CCAR1: variants seen among roughly 807,000 people sequenced by gnomAD.
CCAR1 encodes cell division cycle and apoptosis regulator protein 1.
Under a neutral mutation model 163.8 loss-of-function variants are expected in CCAR1, and 78 were observed. The ratio of observed to expected loss-of-function variants is 0.48; its 90% CI spans 0.40 to 0.57. CCAR1 has a LOEUF of 0.57. Ranked by LOEUF, CCAR1 falls within the 20% of genes least tolerant of loss-of-function variation. The pLI is 0.00. For missense variants in CCAR1, 1,019 were observed against 1,365.2 expected (o/e 0.75, Z 4.00); for synonymous variants, 443 against 460.7 (o/e 0.96, Z 0.49).
chr10:68,721,721 G>GT (rs1261116187), intron 1 of CCAR1: 1 of 331,260 alleles, frequency 3.0e-6, no homozygotes, highest in African/African-American at 2.3e-5. Flanking sequence ...GGGGCGGTGG[G>GT]TTCCGCCTTC....
At chr10:68,733,748 A>G (rs993632558) in intron 2 of CCAR1, among the ~76,000 whole-genome samples, 2 of 151,974 alleles carry the variant, frequency 1.3e-5, no homozygotes, top group East Asian at 1.9e-4. Context: ...TTGGCTTACT[A>G]TACCTCCCGG....
At position 68,791,409 on chromosome 10, in the gene CCAR1, TGTGA is replaced by T. The variant is rs2056850793; in HGVS notation, c.*146_*149del. On this transcript the variant is annotated 3_prime_UTR_variant, in exon 25 of 25. Coordinates refer to ENST00000265872, the MANE Select transcript of CCAR1 (RefSeq NM_018237.4). ...CAAATGATGTATAAAGTTTTATGAA[TGTGA>T]GTTTCTGCTTTTGAAAATTGCTTGT... 2.1e-6 allele frequency: 1 copy of T among 485,602 alleles called. No individual in the cohort carries two copies. The highest frequency in any genetic ancestry group is 3.6e-6 in the Non-Finnish European group (1 of 275,758). The allele number at this position is 485,602 out of a possible 1,614,324, so 30.1% of individuals were successfully genotyped here.
chr10:68,740,751 A>G lies in CCAR1; in HGVS notation c.324+90A>G. On this transcript the variant is annotated intron_variant, in intron 5 of 24. Transcript: ENST00000265872. The stretch of plus-strand genomic sequence containing the variant: ...TATTCTACTTTTTCTTTCAGGGTTT[A>G]GTTACTTGTTAGATTCACCTAATAA... 3 of 1,012,612 alleles carry G rather than the reference A, an allele frequency of 3.0e-6. No homozygotes were observed. The South Asian group carries it at 4.6e-5, about 16-fold the overall frequency. The allele number at this position is 1,012,612 out of a possible 1,614,324, so 62.7% of individuals were successfully genotyped here.
intron 19 of CCAR1, among the ~76,000 whole-genome samples, chr10:68,784,359 G>A (rs1354360994): frequency 2.0e-5 from 3 of 151,894 alleles, no homozygotes; most frequent in African/African-American, 7.3e-5. Flanking sequence ...GGGACTACAG[G>A]CACACGCCAC....
At chr10:68,749,010 G>A (rs1589165105) in intron 8 of CCAR1, 126 bp from the exon 9 acceptor site, 2 of 1,068,692 alleles carry the variant, frequency 1.9e-6, no homozygotes, top group East Asian at 5.1e-5. Flanking sequence ...ATATAAATTA[G>A]GCCAACTTTG....
chr10:68,765,776 G>A (rs2056528567), intron 16 of CCAR1, 112 bp from the exon 17 acceptor site: 2 of 711,846 alleles, frequency 2.8e-6, no homozygotes, highest in Admixed American at 5.9e-5. Context: ...AAGAGTCATG[G>A]GAATTTTGTT....
Position 68,791,458 on chromosome 10 carries a change from A to G in CCAR1, c.*192A>G. 1 of 423,306 alleles carries G rather than the reference A, an allele frequency of 2.4e-6. No individual in the cohort carries two copies. The highest frequency in any genetic ancestry group is 4.3e-6 in the Non-Finnish European group (1 of 232,200). 26.2% of individuals were successfully genotyped at this position (423,306 alleles called of 1,614,324 possible). On this transcript the variant is annotated 3_prime_UTR_variant, in exon 25 of 25. Coordinates refer to ENST00000265872, the MANE Select transcript of CCAR1 (RefSeq NM_018237.4). Reference sequence around the variant, plus strand: ...GCTTGTAATTCCTAGCCTTCAAATTATTAAACACTCCTTGAGTGAAATAAT... The same window carrying G: ...GCTTGTAATTCCTAGCCTTCAAATTGTTAAACACTCCTTGAGTGAAATAAT...
chr10:68,723,041 A>G (rs2055882190), intron 2 of CCAR1, among the ~76,000 whole-genome samples: 1 of 152,092 alleles, frequency 6.6e-6, no homozygotes, highest in Non-Finnish European at 1.5e-5. Flanking sequence ...TCCATAGATC[A>G]ACTAACAAGC....
At chr10:68,773,598 G>A (rs571660876) in intron 19 of CCAR1, among the ~76,000 whole-genome samples, 2 of 152,178 alleles carry the variant, frequency 1.3e-5, no homozygotes, top group South Asian at 2.1e-4. Flanking sequence ...CATGGGAGGC[G>A]GAGGTTGTGG....
chr10:68,722,097 A>T lies in CCAR1; in HGVS notation c.-50-358A>T, dbSNP rs1323377477. 5.9e-5 allele frequency among the ~76,000 whole-genome samples: 9 copies of T among 152,182 alleles called. 1 individual carries two copies. The highest frequency in any genetic ancestry group is 2.6e-4 in the Admixed American group (4 of 15,278). The stretch of plus-strand genomic sequence containing the variant: ...TCCCCAACCCATTGCCAGAAGAAAC[A>T]CGCAGGCTGTATTTCCTGTGAATAT... On this transcript the variant is annotated intron_variant, in intron 1 of 24. Transcript: ENST00000265872.
chr10:68,791,247 A>G lies in CCAR1; in HGVS notation c.3434A>G (p.Glu1145Gly). The change falls in exon 25 of 25, where the codon GAG (glutamate) becomes GGG (glycine). Residue 1145 changes from glutamate to glycine, a missense_variant. This residue lies in a region of CCAR1 where 358 missense variants were observed against 406.4 expected (regional missense o/e 0.88). Transcript: ENST00000265872. ...GAAGACAAAGATCAAAAATCCAAGGAGAATGGTGCCAGTGTATGATAAAAT... is the reference window on the plus strand; with the variant it reads ...GAAGACAAAGATCAAAAATCCAAGGGGAATGGTGCCAGTGTATGATAAAAT... ...KNEDKDQKSK[E>G]NGASV The G allele has an allele frequency of 6.3e-7, 1 of 1,599,894 alleles. No individual in the cohort carries two copies. The highest frequency in any genetic ancestry group is 8.6e-7 in the Non-Finnish European group (1 of 1,169,056).
rs2056531270 is a variant in CCAR1 at position 68,766,068 on chromosome 10, C to T, written c.2287C>T (p.His763Tyr). 4 of 1,602,496 alleles carry T rather than the reference C, an allele frequency of 2.5e-6. No individual in the cohort carries two copies. The highest frequency in any genetic ancestry group is 3.4e-6 in the Non-Finnish European group (4 of 1,170,274). ...LDYRLEDNKE[H>Y]SFEVSLFAEL... is the part of the protein sequence containing the mutation. ...CTACAGATTAGAGGATAATAAAGAA[C>T]ATTCATTTGAGGTAATGTTTTAAGT... is the stretch of plus-strand genomic sequence containing the variant. Residue 763 changes from histidine (H) to tyrosine (Y), a missense_variant, in exon 17 of 25, where the codon CAT (histidine) becomes TAT (tyrosine). Physicochemically the swap from His to Tyr is moderately conservative, Grantham distance 83. Transcript: ENST00000265872.
In CCAR1 at chr10:68,786,580, G is replaced by A; in HGVS notation, c.2768G>A (p.Arg923Lys). The A allele has an allele frequency of 6.3e-7, 1 of 1,593,642 alleles. No individual in the cohort carries two copies. The highest frequency in any genetic ancestry group is 1.8e-5 in the Admixed American group (1 of 54,746). ...AAGACTCAAATGATCACAATTAACAGAGATCTGTTAATGGCTTTTGTTTAT... is the reference window on the plus strand; with the variant it reads ...AAGACTCAAATGATCACAATTAACAAAGATCTGTTAATGGCTTTTGTTTAT... ...KEKTQMITIN[R>K]DLLMAFVYFD... The change falls in exon 21 of 25, where the codon AGA (arginine) becomes AAA (lysine). Residue 923 changes from arginine (R) to lysine (K), a missense_variant. This residue lies in a region of CCAR1 where 358 missense variants were observed against 406.4 expected (regional missense o/e 0.88). Transcript: ENST00000265872.
At chr10:68,745,765 C>G (rs1378847981) in intron 6 of CCAR1, among the ~76,000 whole-genome samples, 1 of 151,652 alleles carries the variant, frequency 6.6e-6, no homozygotes, top group East Asian at 1.9e-4. Flanking sequence ...CAACGCCCGG[C>G]AACTATTTTT....
intron 16 of CCAR1, among the ~76,000 whole-genome samples, chr10:68,762,626 C>A (rs1290733190): frequency 2.0e-5 from 3 of 152,134 alleles, no homozygotes; most frequent in Admixed American, 2.0e-4. Context: ...TAATCAGTTT[C>A]TAAATCTTAT....
chr10:68,761,324 T>C, intron 16 of CCAR1, 132 bp downstream of exon 16: 2 of 369,050 alleles, frequency 5.4e-6, no homozygotes, highest in Non-Finnish European at 4.5e-6. Context: ...TTTATTTATT[T>C]GAGACTGAGT....
intron 19 of CCAR1, among the ~76,000 whole-genome samples, chr10:68,777,097 G>A (rs1170730052): frequency 1.3e-5 from 2 of 152,024 alleles, no homozygotes; most frequent in Admixed American, 6.6e-5. Context: ...CTTTCTTTCT[G>A]CAGTACCCTA....
At chr10:68,742,967 CG>C (rs2056202075) in intron 6 of CCAR1, among the ~76,000 whole-genome samples, 1 of 151,656 alleles carries the variant, frequency 6.6e-6, no homozygotes, top group African/African-American at 2.4e-5. Context: ...GAGCCTCACT[CG>C]GTTGCCAAGG....
intron 8 of CCAR1, 93 bp from the exon 9 acceptor site, chr10:68,749,043 C>T: frequency 6.9e-7 from 1 of 1,443,058 alleles, no homozygotes. Flanking sequence ...TAGTCACTCT[C>T]AGTTATTTAA....
Sources: allele counts gnomAD v4.1 joint callset (sites outside exome capture counted in the v4.1 genomes callset), GRCh38; gene constraint gnomAD v4.1.1; regional missense constraint gnomAD v4.1.1; transcripts MANE v1.5; gene names NCBI Gene and HGNC (gene_info 2026-07-23, HGNC 2026-07-21).